Variants in SRGAP3 observed in about 807,000 individuals in gnomAD.
SRGAP3 encodes SLIT-ROBO Rho GTPase-activating protein 3.
In SRGAP3, 39 loss-of-function variants were observed where a neutral mutation model predicts 121.1. The observed-to-expected ratio is 0.32, with a 90% CI of 0.25 to 0.42. The LOEUF is 0.42. Ranked by LOEUF, SRGAP3 falls within the 10% of genes least tolerant of loss-of-function variation. The pLI is 1.00. For missense variants in SRGAP3, 1,213 were observed against 1,470.6 expected, an observed-to-expected ratio of 0.82 and a Z score of 2.86; for synonymous variants, 601 against 570.0, an observed-to-expected ratio of 1.05 and a Z score of -0.77.
chr3:9,302,331 C>T (rs1355105574), intron 3 of SRGAP3, among the ~76,000 whole-genome samples: 1 of 152,162 alleles, frequency 6.6e-6, no homozygotes, highest in Non-Finnish European at 1.5e-5. Context: ...CTCACCCCTC[C>T]CCAGCCTGCC....
chr3:8,995,981 T>C (rs552626051), intron 18 of SRGAP3, among the ~76,000 whole-genome samples: 1 of 152,328 alleles, frequency 6.6e-6, no homozygotes, highest in South Asian at 2.1e-4. Context: ...CTGTGGACAA[T>C]CTCGTCTTCA....
intron 10 of SRGAP3, among the ~76,000 whole-genome samples, chr3:9,045,100 G>A (rs1945196581): frequency 6.6e-6 from 1 of 150,682 alleles, no homozygotes; most frequent in East Asian, 2.0e-4. Context: ...TTAATAACAG[G>A]ACAAACTAGA....
chr3:9,086,754 T>G (rs1947506381), intron 3 of SRGAP3, among the ~76,000 whole-genome samples: 2 of 146,420 alleles, frequency 1.4e-5, no homozygotes, highest in Admixed American at 1.4e-4. Flanking sequence ...ATATATGTAT[T>G]ACATATACAT....
intron 3 of SRGAP3, among the ~76,000 whole-genome samples, chr3:9,280,649 C>T (rs747656397): frequency 7.2e-5 from 11 of 152,132 alleles, no homozygotes; most frequent in Non-Finnish European, 1.5e-4. Flanking sequence ...TTCAAGGCCA[C>T]GGCCAAGCTG....
chr3:9,046,016 C>T (rs542631487), intron 10 of SRGAP3, among the ~76,000 whole-genome samples: 6 of 152,148 alleles, frequency 3.9e-5, no homozygotes, highest in Non-Finnish European at 7.3e-5. Context: ...CTCCTCCACA[C>T]CCCCTTTACC....
In SRGAP3 at chr3:9,239,316, G is replaced by A. The variant is rs944417843; in HGVS notation, c.67+9569C>T. On this transcript the variant is annotated intron_variant, in intron 1 of 21. Transcript: ENST00000383836. The surrounding 1 kb of genome is among the most constrained non-coding windows in gnomAD (Gnocchi z 4.0). ...AATCACTTAAATCCAACAGGCATAGGTTGCAGTGAGCCAAGGTTGCACCAC... is the reference window on the plus strand; with the variant it reads ...AATCACTTAAATCCAACAGGCATAGATTGCAGTGAGCCAAGGTTGCACCAC... 6.6e-6 allele frequency among the ~76,000 whole-genome samples: 1 copy of A among 152,180 alleles called. No individual in the cohort carries two copies. Among genetic ancestry groups the A allele is most frequent in the Non-Finnish European group, 1.5e-5 (1 of 68,040 alleles).
Position 9,032,016 on chromosome 3 carries a change from C to T in SRGAP3, c.1539+634G>A, listed in dbSNP as rs139118058. On this transcript the variant is annotated intron_variant, in intron 12 of 21. Transcript: ENST00000383836. Reference sequence around the variant, plus strand: ...CCAAAGAGAAAAGAAAAGAGAAACTCGCCTAGCTAAACTACTTCAATTTTT... The same window carrying T: ...CCAAAGAGAAAAGAAAAGAGAAACTTGCCTAGCTAAACTACTTCAATTTTT... Among the ~76,000 whole-genome samples the T allele has an allele frequency of 1.8e-4, 28 of 152,288 alleles. No homozygotes were observed. The East Asian group carries it at 5.2e-3, about 28-fold the overall frequency.
chr3:9,288,031 A>G (rs1466649370), intron 3 of SRGAP3, among the ~76,000 whole-genome samples: 1 of 152,150 alleles, frequency 6.6e-6, no homozygotes, highest in Non-Finnish European at 1.5e-5. Context: ...TACCTGTTCA[A>G]ATATTATCTC....
intron 3 of SRGAP3, among the ~76,000 whole-genome samples, chr3:9,275,647 T>A (rs1954558867): frequency 6.6e-6 from 1 of 152,096 alleles, no homozygotes; most frequent in Admixed American, 6.6e-5. Flanking sequence ...TTATAAGGGG[T>A]TTCTTTCCCC....
chr3:9,226,227 C>A (rs1011237530), intron 1 of SRGAP3, among the ~76,000 whole-genome samples: 1 of 152,206 alleles, frequency 6.6e-6, no homozygotes, highest in East Asian at 1.9e-4. Context: ...GTTTACATTT[C>A]CATTTTGAGC....
At chr3:9,152,365 G>A (rs1950239059) in intron 1 of SRGAP3, among the ~76,000 whole-genome samples, 1 of 152,168 alleles carries the variant, frequency 6.6e-6, no homozygotes, top group Admixed American at 6.5e-5. Flanking sequence ...CCACTCATAG[G>A]CTGGCCTCAG....
At chr3:9,140,843 C>G (rs769527312) in intron 1 of SRGAP3, among the ~76,000 whole-genome samples, 12 of 152,160 alleles carry the variant, frequency 7.9e-5, no homozygotes, top group Non-Finnish European at 1.2e-4. Context: ...AGGCAGTAAA[C>G]TTTTTTAAGA....
At chr3:9,066,556 G>A (rs1225364338) in intron 4 of SRGAP3, among the ~76,000 whole-genome samples, 2 of 152,138 alleles carry the variant, frequency 1.3e-5, no homozygotes, top group Non-Finnish European at 2.9e-5. Flanking sequence ...CTGGAGTGCA[G>A]TAGCATGATC....
intron 1 of SRGAP3, among the ~76,000 whole-genome samples, chr3:9,169,446 C>T (rs184675660): frequency 2.6e-5 from 4 of 152,042 alleles, no homozygotes; most frequent in Admixed American, 6.5e-5. Context: ...AAAAGGTGGG[C>T]GTGGGAGGAA....
chr3:9,131,924 G>T (rs1431065454), intron 1 of SRGAP3, among the ~76,000 whole-genome samples: 2 of 151,950 alleles, frequency 1.3e-5, no homozygotes, highest in African/African-American at 4.8e-5. Context: ...CACTCTCCAA[G>T]CAACAGTCTT....
In SRGAP3 at chr3:9,010,783, ACT is replaced by A. The variant is rs1943329169; in HGVS notation, c.2148-398_2148-397del. Among the ~76,000 whole-genome samples, 2 of 152,050 alleles carry A rather than the reference ACT, an allele frequency of 1.3e-5. 1 individual carries two copies. Among genetic ancestry groups the A allele is most frequent in the South Asian group, 4.2e-4 (2 of 4,812 alleles). The stretch of plus-strand genomic sequence containing the variant: ...ACCATGAGTTATTTCATCTGGCCTG[ACT>A]CTCTTGTCTTATAGCTGAGGTGACA... On this transcript the variant is annotated intron_variant, in intron 17 of 21. Transcript: ENST00000383836.
At chr3:9,235,222 C>T (rs78153931) in intron 1 of SRGAP3, among the ~76,000 whole-genome samples, 1,638 of 152,272 alleles carry the variant, frequency 0.011, 12 homozygotes, top group African/African-American at 0.024. Flanking sequence ...AAGTCCTCAG[C>T]CTATAGGCCT....
intron 7 of SRGAP3, 93 bp downstream of exon 7, chr3:9,058,158 A>G: frequency 7.0e-7 from 1 of 1,421,462 alleles, no homozygotes; most frequent in Admixed American, 1.7e-5. Context: ...TCGGATAGAA[A>G]CTTTCTGTAC....
Position 9,361,761 on chromosome 3 carries a change from T to A in SRGAP3, n.214+1079A>T, listed in dbSNP as rs571042411. On this transcript the variant is annotated intron_variant and non_coding_transcript_variant, in intron 1 of 3. Transcript: ENST00000490889. ...CTGACCCTCCCATTTGCAGTTTCAATAGAACAACCGACTAGCATTCCTTCC... is the reference window on the plus strand; with the variant it reads ...CTGACCCTCCCATTTGCAGTTTCAAAAGAACAACCGACTAGCATTCCTTCC... Among the ~76,000 whole-genome samples the A allele has an allele frequency of 9.9e-5, 15 of 152,264 alleles. No individual in the cohort carries two copies. The South Asian group carries it at 3.1e-3, about 32-fold the overall frequency.
Sources: allele counts gnomAD v4.1 joint callset (sites outside exome capture counted in the v4.1 genomes callset), GRCh38; gene constraint gnomAD v4.1.1; non-coding constraint Gnocchi (gnomAD v3.1); transcripts MANE v1.5; gene names NCBI Gene and HGNC (gene_info 2026-07-23, HGNC 2026-07-21).